Variants in SASH1 observed in about 807,000 individuals in gnomAD.
SASH1 encodes SAM and SH3 domain-containing protein 1.
Under a neutral mutation model 125.2 loss-of-function variants are expected in SASH1, and 44 were observed. The ratio of observed to expected loss-of-function variants is 0.35; its 90% CI spans 0.28 to 0.45. The LOEUF (loss-of-function observed/expected upper bound fraction) is 0.45. Ranked by LOEUF, SASH1 falls within the 20% of genes least tolerant of loss-of-function variation. SASH1 has a pLI of 1.00. For missense variants in SASH1, 1,426 were observed against 1,614.5 expected, an observed-to-expected ratio of 0.88 and a Z score of 2.00; for synonymous variants, 639 against 649.1, an observed-to-expected ratio of 0.98 and a Z score of 0.24.
chr6:148,521,653 A>G (rs1471347046), intron 10 of SASH1, among the ~76,000 whole-genome samples: 1 of 152,094 alleles, frequency 6.6e-6, no homozygotes, highest in African/African-American at 2.4e-5. Context: ...ACAGTTTTTC[A>G]ATGGTTGAGT....
intron 1 of SASH1, among the ~76,000 whole-genome samples, chr6:148,325,682 A>T (rs1238364870): frequency 6.6e-6 from 1 of 152,144 alleles, no homozygotes; most frequent in East Asian, 1.9e-4. Flanking sequence ...GGTCCCTCAC[A>T]CGACACGTGG....
At position 148,544,065 on chromosome 6, in the gene SASH1, A is replaced by T. The variant is rs145956049; in HGVS notation, c.2595A>T (p.Val865=). ...TGACAGAACCGCCCCCTCAGATTGT[A>T]CCTGAAGTGCCACAGAAGACGACCG... The part of the protein sequence containing the change: ...TEVTEPPPQI[V]PEVPQKTTAS... Residue 865 remains valine (V), a synonymous_variant, in exon 18 of 20, where the codon GTA becomes GTT. Transcript: ENST00000367467. The surrounding 1 kb of genome is among the most constrained non-coding windows in gnomAD (Gnocchi z 6.4). The T allele has an allele frequency of 1.3e-3, 2,068 of 1,614,008 alleles. 4 individuals are homozygous for T. The highest frequency in any genetic ancestry group is 1.6e-3 in the Middle Eastern group (10 of 6,062).
chr6:148,415,150 A>G (rs1313253920), intron 2 of SASH1, among the ~76,000 whole-genome samples: 1 of 152,180 alleles, frequency 6.6e-6, no homozygotes, highest in East Asian at 1.9e-4. Context: ...AGAACTTTGT[A>G]TTGAGTATTT....
At position 148,544,066 on chromosome 6, in the gene SASH1, C is replaced by T. The variant is rs1176558078; in HGVS notation, c.2596C>T (p.Pro866Ser). The T allele has an allele frequency of 3.1e-6, 5 of 1,613,936 alleles. No homozygotes were observed. Among genetic ancestry groups the T allele is most frequent in the Non-Finnish European group, 4.2e-6 (5 of 1,180,018 alleles). Residue 866 changes from proline to serine, a missense_variant, in exon 18 of 20, where the codon CCT becomes TCT. Around this residue, in one of 3 missense-constraint regions of SASH1, gnomAD observed 634 missense variants for 694.4 expected, o/e 0.91. Coordinates refer to ENST00000367467, the MANE Select transcript of SASH1 (RefSeq NM_015278.5). This position sits in a 1 kb window ranked among gnomAD's most constrained non-coding sequence, Gnocchi z 6.4. ...GACAGAACCGCCCCCTCAGATTGTA[C>T]CTGAAGTGCCACAGAAGACGACCGC... ...EVTEPPPQIV[P>S]EVPQKTTASS...
rs1183443694 is a variant in SASH1 at position 148,544,586 on chromosome 6, T to C, written c.3116T>C (p.Leu1039Pro). Reference protein sequence around the residue: ...PTSPSDCPPALAPRPLSGQAP... With the variant: ...PTSPSDCPPAPAPRPLSGQAP... ...AGCCCTAGCGACTGTCCCCCAGCAC[T>C]GGCTCCCAGGCCTCTCTCAGGGCAG... The change falls in exon 18 of 20, where the codon CTG becomes CCG. Residue 1039 changes from leucine (L) to proline (P), a missense_variant. Around this residue, in one of 3 missense-constraint regions of SASH1, gnomAD observed 634 missense variants for 694.4 expected, o/e 0.91. Transcript: ENST00000367467. The surrounding 1 kb of genome is among the most constrained non-coding windows in gnomAD (Gnocchi z 6.4). 3.7e-6 allele frequency: 6 copies of C among 1,613,244 alleles called. No individual in the cohort carries two copies. Among genetic ancestry groups the C allele is most frequent in the Non-Finnish European group, 4.2e-6 (5 of 1,179,902 alleles).
At chr6:148,352,078 A>G (rs1215258594) in intron 1 of SASH1, among the ~76,000 whole-genome samples, 1 of 152,246 alleles carries the variant, frequency 6.6e-6, no homozygotes, top group Non-Finnish European at 1.5e-5. Context: ...AAACAAACAA[A>G]CAAAAGTTAA....
At chr6:148,387,660 CTTT>C (rs1783513877) in intron 1 of SASH1, among the ~76,000 whole-genome samples, 2 of 55,796 alleles carry the variant, frequency 3.6e-5, no homozygotes, top group African/African-American at 9.1e-5. Context: ...TTCTTTCTTT[CTTT>C]CTTTCTTTCT....
At chr6:148,304,205 G>A (rs1176705760) in intron 1 of SASH1, among the ~76,000 whole-genome samples, 5 of 152,112 alleles carry the variant, frequency 3.3e-5, no homozygotes, top group Non-Finnish European at 7.4e-5. Context: ...TTGGGAGGCC[G>A]AGGCGGGCGG....
chr6:148,235,968 CT>C, the SASH1 span, among the ~76,000 whole-genome samples: 2 of 152,240 alleles, frequency 1.3e-5, no homozygotes, highest in East Asian at 3.9e-4. Context: ...AAAATTCCTT[CT>C]TTGTGTTCAA....
At chr6:148,260,942 C>T in the SASH1 span, among the ~76,000 whole-genome samples, 1 of 151,396 alleles carries the variant, frequency 6.6e-6, no homozygotes, top group Admixed American at 6.6e-5. Flanking sequence ...GTAGCTGGGA[C>T]TACCAGCGCG....
chr6:148,544,794 C>G lies in SASH1; in HGVS notation c.3324C>G (p.Leu1108=). The stretch of plus-strand genomic sequence containing the variant: ...AGCTGCACGCTGAAGGCATCGATCT[C>G]ACGGAGGAGCCGTATTCTGATAAGG... ...ENKLHAEGID[L]TEEPYSDKHG... The change falls in exon 18 of 20, where the codon CTC becomes CTG. Residue 1108 remains leucine, a synonymous_variant. Transcript: ENST00000367467. This position sits in a 1 kb window ranked among gnomAD's most constrained non-coding sequence, Gnocchi z 6.4. 1 of 1,595,734 alleles carries G rather than the reference C, an allele frequency of 6.3e-7. No individual in the cohort carries two copies. The highest frequency in any genetic ancestry group is 8.5e-7 in the Non-Finnish European group (1 of 1,171,080).
chr6:148,272,919 C>T (rs988891233), intron 1 of SASH1, among the ~76,000 whole-genome samples: 2 of 152,020 alleles, frequency 1.3e-5, no homozygotes, highest in Non-Finnish European at 2.9e-5. Context: ...CTGTGGAAAT[C>T]GTATTCTACA....
At chr6:148,295,509 T>G (rs1056847712) in intron 1 of SASH1, among the ~76,000 whole-genome samples, 3 of 152,208 alleles carry the variant, frequency 2.0e-5, no homozygotes, top group African/African-American at 7.2e-5. Flanking sequence ...ACTCAGCTTC[T>G]TCTCCCTTGG....
upstream of SASH1, among the ~76,000 whole-genome samples, chr6:148,272,115 T>C (rs1582901694): frequency 1.3e-5 from 2 of 152,318 alleles, no homozygotes; most frequent in South Asian, 4.2e-4. Context: ...TATTGTGTTA[T>C]ATGTTAAGCA....
At chr6:148,352,788 G>A (rs764445875) in intron 1 of SASH1, among the ~76,000 whole-genome samples, 3 of 151,948 alleles carry the variant, frequency 2.0e-5, no homozygotes, top group African/African-American at 7.2e-5. Context: ...GGCCAACATG[G>A]CGAAACCCCA....
chr6:148,312,862 G>C (rs1212909675), intron 1 of SASH1, among the ~76,000 whole-genome samples: 1 of 152,126 alleles, frequency 6.6e-6, no homozygotes, highest in African/African-American at 2.4e-5. Context: ...AGGAGGAGGA[G>C]AAGGAGGCTG....
At chr6:148,534,686 G>A (rs182563428) in intron 15 of SASH1, 65 bp from the exon 16 acceptor site, 2 of 1,518,386 alleles carry the variant, frequency 1.3e-6, no homozygotes, top group South Asian at 1.1e-5. Flanking sequence ...CAGGCTAGTT[G>A]TTGGCGGTGT....
chr6:148,431,719 A>G (rs916256039), intron 2 of SASH1, among the ~76,000 whole-genome samples: 1 of 152,012 alleles, frequency 6.6e-6, no homozygotes, highest in South Asian at 2.1e-4. Flanking sequence ...CAGGTCAGCC[A>G]GGACTGAAAG....
At chr6:148,341,495 A>T (rs890427406), upstream of SASH1, among the ~76,000 whole-genome samples, 3 of 152,054 alleles carry the variant, frequency 2.0e-5, no homozygotes, top group African/African-American at 4.8e-5. Flanking sequence ...ATTATCAGGG[A>T]TTGTGTTTAT....
Sources: gnomAD v4.1 joint callset for allele counts (sites outside exome capture counted in the v4.1 genomes callset) on GRCh38, gnomAD v4.1.1 for gene constraint, gnomAD v4.1.1 regional missense constraint, Gnocchi (gnomAD v3.1) non-coding constraint, MANE v1.5 for transcripts, NCBI Gene and HGNC (gene_info 2026-07-23, HGNC 2026-07-21) for gene names.